TGIF2: variants seen among roughly 807,000 people sequenced by gnomAD.
TGIF2 encodes homeobox protein TGIF2.
Under a neutral mutation model 15.1 loss-of-function variants are expected in TGIF2, and 5 were observed. The observed-to-expected ratio is 0.33, with a 90% confidence interval of 0.17 to 0.70. TGIF2 has a LOEUF of 0.70. Among genes scored for constraint, TGIF2 ranks in the 30% least tolerant of loss-of-function variants. The pLI is 0.67. For missense variants in TGIF2, 264 were observed against 302.5 expected, an observed-to-expected ratio of 0.87 and a Z score of 0.94; for synonymous variants, 131 against 128.9, an observed-to-expected ratio of 1.02 and a Z score of -0.11.
At chr20:36,578,620 T>G (rs2038479766) in intron 1 of TGIF2, 121 bp from the exon 2 acceptor site, 5 of 1,128,592 alleles carry the variant, frequency 4.4e-6, no homozygotes, top group Non-Finnish European at 6.1e-6. Flanking sequence ...GGCCTGAGAT[T>G]CTGAATTGCA....
intron 2 of TGIF2, among the ~76,000 whole-genome samples, chr20:36,584,448 G>A (rs1956669822): frequency 6.6e-6 from 1 of 152,128 alleles, no homozygotes; most frequent in Non-Finnish European, 1.5e-5. Flanking sequence ...AGTGGTGGAA[G>A]GGTCAACAGG....
intron 2 of TGIF2, 71 bp downstream of exon 2, chr20:36,579,037 G>C (rs578259474): frequency 6.5e-7 from 1 of 1,547,278 alleles, no homozygotes; most frequent in Middle Eastern, 1.7e-4. Context: ...CTGTGTCACT[G>C]AGTCACTGTG....
intron 2 of TGIF2, among the ~76,000 whole-genome samples, chr20:36,585,813 A>G (rs1600778506): frequency 6.6e-6 from 1 of 152,142 alleles, no homozygotes; most frequent in South Asian, 2.1e-4. Context: ...TCTGGGCCCC[A>G]ATCCTTTACT....
chr20:36,591,855 C>A lies in TGIF2; in HGVS notation c.*424C>A. On this transcript the variant is annotated 3_prime_UTR_variant, in exon 3 of 3. Coordinates refer to ENST00000373872, the MANE Select transcript of TGIF2 (RefSeq NM_021809.7). This position sits in a 1 kb window ranked among gnomAD's most constrained non-coding sequence, Gnocchi z 5.3. ...GACATTCCAAGTTCATATGCGTGAA[C>A]AAAAGAAAAGAGGAACCCAGTGGAT... 6.3e-6 allele frequency: 1 copy of A among 158,886 alleles called. No homozygotes were observed. Among genetic ancestry groups the A allele is most frequent in the Non-Finnish European group, 1.4e-5 (1 of 72,360 alleles). The allele number at this position is 158,886 out of a possible 1,614,324, so 9.8% of individuals were successfully genotyped here.
At chr20:36,574,137 C>T (rs2038360330) in intron 1 of TGIF2, among the ~76,000 whole-genome samples, 1 of 150,722 alleles carries the variant, frequency 6.6e-6, no homozygotes, top group African/African-American at 2.4e-5. Context: ...CGCCGCCGAG[C>T]CGGACAGGGG....
chr20:36,575,932 A>G (rs890966616), intron 1 of TGIF2, among the ~76,000 whole-genome samples: 1 of 147,100 alleles, frequency 6.8e-6, no homozygotes, highest in African/African-American at 2.5e-5. Flanking sequence ...GTCTCTACTA[A>G]AAAAAAAAAA....
chr20:36,575,198 A>G (rs568807693), intron 1 of TGIF2, among the ~76,000 whole-genome samples: 1 of 151,904 alleles, frequency 6.6e-6, no homozygotes, highest in South Asian at 2.1e-4. Context: ...TAGGGTTTGT[A>G]AGGCTTGAGC....
chr20:36,579,589 C>T (rs1422797779), intron 2 of TGIF2, among the ~76,000 whole-genome samples: 1 of 152,164 alleles, frequency 6.6e-6, no homozygotes, highest in Non-Finnish European at 1.5e-5. Context: ...GATTCAGCCC[C>T]CAGCCCCAAC....
Position 36,573,701 on chromosome 20 carries a change from C to A in TGIF2, c.-79C>A, listed in dbSNP as rs895612999. 2.6e-5 allele frequency: 4 copies of A among 151,966 alleles called. No individual in the cohort carries two copies. The highest frequency in any genetic ancestry group is 9.7e-5 in the African/African-American group (4 of 41,362). 9.4% of individuals were successfully genotyped at this position (151,966 alleles called of 1,614,324 possible). On this transcript the variant is annotated 5_prime_UTR_variant, in exon 1 of 3. Transcript: ENST00000373872. ...CCCCCCGCTCCCCGCCGGGACGCCC[C>A]GCGCCGAGCCGGAGGCCGCGTGGAC...
chr20:36,585,356 G>A (rs185088702), intron 2 of TGIF2, among the ~76,000 whole-genome samples: 63 of 151,440 alleles, frequency 4.2e-4, no homozygotes, highest in African/African-American at 1.3e-3. Context: ...CCAGCTATTC[G>A]GGAGGCTGAA....
intron 2 of TGIF2, among the ~76,000 whole-genome samples, chr20:36,580,504 G>A (rs993489593): frequency 7.2e-5 from 11 of 151,980 alleles, no homozygotes; most frequent in Non-Finnish European, 1.3e-4. Flanking sequence ...AGAAAGGGAC[G>A]AGAAGAAGAA....
Position 36,590,963 on chromosome 20 carries a change from G to A in TGIF2, c.246G>A (p.Arg82=), listed in dbSNP as rs369009714. The change falls in exon 3 of 3, where the codon CGG becomes CGA. Residue 82 remains arginine, a synonymous_variant. Transcript: ENST00000373872. The part of the protein sequence containing the change: ...ARRRLLPDML[R]KDGKDPNQFT... ...GGCGGCTTCTCCCAGACATGCTTCG[G>A]AAGGATGGCAAAGACCCTAATCAGT... The A allele has an allele frequency of 9.8e-5, 150 of 1,536,920 alleles. 1 individual carries two copies. Among genetic ancestry groups the A allele is most frequent in the Non-Finnish European group, 1.3e-4 (143 of 1,138,946 alleles).
chr20:36,591,719 G>A lies in TGIF2; in HGVS notation c.*288G>A. 3.3e-6 allele frequency: 1 copy of A among 303,690 alleles called. No individual in the cohort carries two copies. The highest frequency in any genetic ancestry group is 2.1e-5 in the African/African-American group (1 of 47,402). 18.8% of individuals were successfully genotyped at this position (303,690 alleles called of 1,614,324 possible). On this transcript the variant is annotated 3_prime_UTR_variant, in exon 3 of 3. Transcript: ENST00000373872. This position sits in a 1 kb window ranked among gnomAD's most constrained non-coding sequence, Gnocchi z 5.3. Reference sequence around the variant, plus strand: ...CTGCTGCTTCTCCAGAAAATCCCTGGGACACCTTTGTTCCAGCCTGGTTTC... The same window carrying A: ...CTGCTGCTTCTCCAGAAAATCCCTGAGACACCTTTGTTCCAGCCTGGTTTC...
In TGIF2 at chr20:36,588,355, C is replaced by CTT. The variant is rs397802665; in HGVS notation, c.193-2528_193-2527dup. ...CCACCTAGCTGTTGAGCCCTTCCTT[C>CTT]TTTTTTTTTTTTTTTTTTTTTTTTT... On this transcript the variant is annotated intron_variant, in intron 2 of 2. Coordinates refer to ENST00000373872, the MANE Select transcript of TGIF2 (RefSeq NM_021809.7). Among the ~76,000 whole-genome samples, 513 of 60,446 alleles carry CTT rather than the reference C, an allele frequency of 8.5e-3. 40 individuals are homozygous for CTT. The highest frequency in any genetic ancestry group is 0.011 in the Non-Finnish European group (365 of 34,450). The allele number at this position is 60,446 out of a possible 152,430, so 39.7% of individuals were successfully genotyped here.
At chr20:36,576,712 CG>C (rs1258969338) in intron 1 of TGIF2, among the ~76,000 whole-genome samples, 1 of 151,754 alleles carries the variant, frequency 6.6e-6, no homozygotes, top group South Asian at 2.1e-4. Flanking sequence ...GACTTTTTTG[CG>C]GGGGGATAGG....
intron 2 of TGIF2, among the ~76,000 whole-genome samples, chr20:36,583,937 G>T (rs988249762): frequency 2.6e-5 from 4 of 152,072 alleles, no homozygotes; most frequent in African/African-American, 9.6e-5. Context: ...CGTGGTTGCA[G>T]GTACCTGTAA....
At chr20:36,586,550 T>C (rs1263129449) in intron 2 of TGIF2, among the ~76,000 whole-genome samples, 2 of 152,038 alleles carry the variant, frequency 1.3e-5, no homozygotes, top group Non-Finnish European at 2.9e-5. Context: ...CAAAAATTAC[T>C]TGGGCATGTT....
intron 2 of TGIF2, among the ~76,000 whole-genome samples, chr20:36,585,474 A>AG (rs1466338856): frequency 6.6e-6 from 1 of 150,882 alleles, no homozygotes; most frequent in East Asian, 1.9e-4. Context: ...TTAAAAAAAA[A>AG]AAAAAAAAAA....
At chr20:36,584,240 G>A (rs1569532415) in intron 2 of TGIF2, among the ~76,000 whole-genome samples, 3 of 152,152 alleles carry the variant, frequency 2.0e-5, no homozygotes, top group Admixed American at 6.6e-5. Flanking sequence ...TAAAGGAGCT[G>A]TATGCTCTCA....
Sources: allele counts gnomAD v4.1 joint callset (sites outside exome capture counted in the v4.1 genomes callset), GRCh38; gene constraint gnomAD v4.1.1; non-coding constraint Gnocchi (gnomAD v3.1); transcripts MANE v1.5; gene names NCBI Gene and HGNC (gene_info 2026-07-23, HGNC 2026-07-21).